The following COBLL1 variants were observed in gnomAD, a reference collection of about 807,000 sequenced individuals.
COBLL1 encodes cordon-bleu protein-like 1.
COBLL1 carries 50 observed loss-of-function variants against 94.8 expected under a neutral mutation model. That is an observed-to-expected ratio of 0.53 (90% CI 0.42 to 0.67). The LOEUF (loss-of-function observed/expected upper bound fraction) is 0.67. Among genes scored for constraint, COBLL1 ranks in the 30% least tolerant of loss-of-function variants. COBLL1 has a pLI of 0.00. For synonymous variants in COBLL1, 448 were observed against 473.8 expected (o/e 0.95, Z 0.71); for missense variants, 1,362 against 1,348.7 (o/e 1.01, Z -0.15).
At chr2:164,838,429 C>G (rs1683425757) in intron 2 of COBLL1, among the ~76,000 whole-genome samples, 1 of 152,168 alleles carries the variant, frequency 6.6e-6, no homozygotes, top group Non-Finnish European at 1.5e-5. Context: ...ATAAGGATAT[C>G]AACTACATTT....
chr2:164,683,297 G>A lies in COBLL1; in HGVS notation c.*2649C>T, dbSNP rs981465480. 8.5e-5 allele frequency: 13 copies of A among 152,088 alleles called. No individual in the cohort carries two copies. Among genetic ancestry groups the A allele is most frequent in the African/African-American group, 3.1e-4 (13 of 41,520 alleles). 9.4% of individuals were successfully genotyped at this position (152,088 alleles called of 1,614,324 possible). A position where few individuals can be genotyped will look rare whatever the true frequency, so the allele number is the denominator to read the frequency against. On this transcript the variant is annotated 3_prime_UTR_variant, in exon 14 of 14. Coordinates refer to ENST00000652658, the MANE Select transcript of COBLL1 (RefSeq NM_001365672.2). Reference sequence around the variant, plus strand: ...AATTATACATGAAAGTCAAAAGTTGGTTCTAGACCATTCCTGTATCTTCCT... The same window carrying A: ...AATTATACATGAAAGTCAAAAGTTGATTCTAGACCATTCCTGTATCTTCCT...
chr2:164,796,751 G>C (rs1038705982), intron 2 of COBLL1, among the ~76,000 whole-genome samples: 4 of 147,376 alleles, frequency 2.7e-5, no homozygotes, highest in African/African-American at 1.0e-4. Context: ...AAGGGGGAAG[G>C]ATTGCTGAGG....
intron 2 of COBLL1, among the ~76,000 whole-genome samples, chr2:164,765,514 C>T (rs1046372549): frequency 5.9e-5 from 9 of 151,882 alleles, no homozygotes; most frequent in Non-Finnish European, 1.2e-4. Context: ...TTATCTGTTA[C>T]GATATATAAC....
intron 2 of COBLL1, among the ~76,000 whole-genome samples, chr2:164,801,437 T>TTAA: frequency 3.1e-5 from 1 of 32,750 alleles, no homozygotes; most frequent in Non-Finnish European, 4.8e-5. Flanking sequence ...AGACTCCGTC[T>TTAA]CAAAAAAAAA....
chr2:164,796,406 T>C (rs996189055), intron 2 of COBLL1, among the ~76,000 whole-genome samples: 1 of 151,752 alleles, frequency 6.6e-6, no homozygotes, highest in Non-Finnish European at 1.5e-5. Context: ...CAGAGAAAAA[T>C]CAGTTCACAA....
In COBLL1 at chr2:164,814,453, T is replaced by C. The variant is rs1171045956; in HGVS notation, c.41+26703A>G. On this transcript the variant is annotated intron_variant, in intron 2 of 13. Transcript: ENST00000652658. ...TCTGAGGAAGGCATTGGGTGTGTCT[T>C]ATCTCTCATCCTGATGGAGTTTGAC... 5.3e-5 allele frequency among the ~76,000 whole-genome samples: 8 copies of C among 152,306 alleles called. No individual in the cohort carries two copies. In the East Asian group the frequency reaches 1.5e-3, roughly 29 times the overall value.
chr2:164,756,267 T>G (rs1325314093), intron 2 of COBLL1, among the ~76,000 whole-genome samples: 2 of 152,164 alleles, frequency 1.3e-5, no homozygotes, highest in African/African-American at 2.4e-5. Context: ...AACATATGAC[T>G]CCTAAAAATA....
rs1683597718 is a variant in COBLL1 at position 164,841,286 on chromosome 2, G to T, written c.-50-40C>A. 8.2e-7 allele frequency: 1 copy of T among 1,218,500 alleles called. No individual in the cohort carries two copies. Among genetic ancestry groups the T allele is most frequent in the East Asian group, 3.3e-5 (1 of 30,480 alleles). The allele number at this position is 1,218,500 out of a possible 1,614,324, so 75.5% of individuals were successfully genotyped here. ...GCCGGCGGGTCAGGGCGGGACGCGC[G>T]CCTTCCCGAGGCCGGAGCGAAGCTG... On this transcript the variant is annotated intron_variant, in intron 1 of 13. Transcript: ENST00000652658. The surrounding 1 kb of genome is among the most constrained non-coding windows in gnomAD (Gnocchi z 5.5).
chr2:164,838,225 C>T (rs1251888161), intron 2 of COBLL1, among the ~76,000 whole-genome samples: 4 of 152,144 alleles, frequency 2.6e-5, no homozygotes, highest in African/African-American at 7.2e-5. Context: ...TTCACAATGT[C>T]GTAGAATGCT....
At chr2:164,800,788 A>G (rs1683735301) in intron 2 of COBLL1, among the ~76,000 whole-genome samples, 1 of 152,206 alleles carries the variant, frequency 6.6e-6, no homozygotes, top group South Asian at 2.1e-4. Flanking sequence ...CCGAGTGAAA[A>G]AAAGTCTCAA....
intron 2 of COBLL1, among the ~76,000 whole-genome samples, chr2:164,757,670 G>A (rs1018034179): frequency 6.6e-6 from 1 of 151,964 alleles, no homozygotes; most frequent in African/African-American, 2.4e-5. Flanking sequence ...TATTAGACCA[G>A]GCGTGGTGGT....
Position 164,695,032 on chromosome 2 carries a change from T to A in COBLL1, c.2360A>T (p.Glu787Val), listed in dbSNP as rs1046517583. The A allele has an allele frequency of 3.1e-6, 5 of 1,613,810 alleles. No homozygotes were observed. The African/African-American group carries it at 6.7e-5, about 22-fold the overall frequency. Residue 787 changes from glutamate to valine, a missense_variant, in exon 12 of 14, where the codon GAA (glutamate) becomes GTA (valine). Physicochemically the swap from Glu to Val is moderately radical, Grantham distance 121 (BLOSUM62 -2). Coordinates refer to ENST00000652658, the MANE Select transcript of COBLL1 (RefSeq NM_001365672.2). Reference protein sequence around the residue: ...AIQTEDSAISESPEEPLPNLK... With the variant: ...AIQTEDSAISVSPEEPLPNLK... Reference sequence around the variant, plus strand: ...GTTTGGCAGTGGCTCTTCTGGGCTTTCAGAAATAGCAGAATCTTCTGTTTG... The same window carrying A: ...GTTTGGCAGTGGCTCTTCTGGGCTTACAGAAATAGCAGAATCTTCTGTTTG...
intron 3 of COBLL1, among the ~76,000 whole-genome samples, chr2:164,736,528 T>C (rs1057466540): frequency 2.6e-5 from 4 of 152,202 alleles, no homozygotes; most frequent in African/African-American, 9.6e-5. Flanking sequence ...CCACAATTTT[T>C]AGAAAGTCAC....
At chr2:164,689,701 T>G (rs886172640) in intron 13 of COBLL1, among the ~76,000 whole-genome samples, 10 of 152,170 alleles carry the variant, frequency 6.6e-5, no homozygotes, top group African/African-American at 1.9e-4. Flanking sequence ...ATTGTGGTAT[T>G]TTCTTCAGCA....
At chr2:164,726,420 C>T (rs1343229446) in intron 5 of COBLL1, among the ~76,000 whole-genome samples, 1 of 151,904 alleles carries the variant, frequency 6.6e-6, no homozygotes, top group African/African-American at 2.4e-5. Flanking sequence ...AAAAGACTTC[C>T]ACAATTTATT....
At chr2:164,700,828 G>A in intron 9 of COBLL1, 72 bp from the exon 10 acceptor site, 1 of 903,612 alleles carries the variant, frequency 1.1e-6, no homozygotes, top group South Asian at 1.6e-5. Context: ...TGGCAAGGAA[G>A]GAATTTTGAA....
At chr2:164,738,823 C>T (rs943630445) in intron 3 of COBLL1, among the ~76,000 whole-genome samples, 3 of 152,122 alleles carry the variant, frequency 2.0e-5, no homozygotes, top group Non-Finnish European at 4.4e-5. Flanking sequence ...CTTTGAGCAT[C>T]ATATTCACAC....
At chr2:164,838,829 A>G (rs536281288) in intron 2 of COBLL1, among the ~76,000 whole-genome samples, 1 of 152,348 alleles carries the variant, frequency 6.6e-6, no homozygotes, top group East Asian at 1.9e-4. Flanking sequence ...AGTCAGTTTT[A>G]TAGCAAGAAA....
intron 2 of COBLL1, among the ~76,000 whole-genome samples, chr2:164,832,596 C>A (rs1683126618): frequency 6.6e-6 from 1 of 152,154 alleles, no homozygotes; most frequent in Non-Finnish European, 1.5e-5. Flanking sequence ...TGGCTATTTT[C>A]AAATATGTGG....
Sources: allele counts gnomAD v4.1 joint callset (sites outside exome capture counted in the v4.1 genomes callset), GRCh38; gene constraint gnomAD v4.1.1; non-coding constraint Gnocchi (gnomAD v3.1); transcripts MANE v1.5; gene names NCBI Gene and HGNC (gene_info 2026-07-23, HGNC 2026-07-21).